MALRD1: variants seen among roughly 807,000 people sequenced by gnomAD.
MALRD1 encodes the protein MAM and LDL receptor class A domain containing 1, also known as MAM and LDL-receptor class A domain-containing protein 1.
MALRD1 carries 247 observed loss-of-function variants against 242.1 expected under a neutral mutation model. The ratio of observed to expected loss-of-function variants is 1.02; its 90% confidence interval spans 0.92 to 1.13. The LOEUF is 1.13. MALRD1 is among the 50% of genes most tolerant of loss of function. The pLI is 0.00. For missense variants in MALRD1, 2,989 were observed against 2,533.1 expected, an observed-to-expected ratio of 1.18 and a Z score of -3.86; for synonymous variants, 995 against 866.6, an observed-to-expected ratio of 1.15 and a Z score of -2.60.
chr10:19,481,295 C>T (rs751960064), intron 29 of MALRD1, among the ~76,000 whole-genome samples: 4 of 152,116 alleles, frequency 2.6e-5, no homozygotes, highest in African/African-American at 7.2e-5. Context: ...CAGTTTCAGA[C>T]GTGTTGCTAT....
chr10:19,354,786 T>G (rs1190338035), intron 26 of MALRD1, among the ~76,000 whole-genome samples: 1 of 152,174 alleles, frequency 6.6e-6, no homozygotes, highest in Non-Finnish European at 1.5e-5. Context: ...GATAAATGTT[T>G]GAGGTGATGG....
chr10:19,052,332 T>G (rs1179614612), intron 1 of MALRD1, among the ~76,000 whole-genome samples: 6 of 152,176 alleles, frequency 3.9e-5, no homozygotes, highest in African/African-American at 1.4e-4. Flanking sequence ...CAAAGGAAAT[T>G]TATCTTAACA....
At chr10:19,629,535 T>G (rs1385595805) in intron 36 of MALRD1, among the ~76,000 whole-genome samples, 1 of 152,156 alleles carries the variant, frequency 6.6e-6, no homozygotes, top group Admixed American at 6.5e-5. Flanking sequence ...TAGGAAAATG[T>G]TTCTACACAG....
chr10:19,597,527 AC>A (rs1397870543), intron 34 of MALRD1, among the ~76,000 whole-genome samples: 1 of 152,170 alleles, frequency 6.6e-6, no homozygotes, highest in Non-Finnish European at 1.5e-5. Context: ...GATATAACAG[AC>A]TTTGAGGGCT....
At chr10:19,161,687 C>T (rs192564284) in intron 12 of MALRD1, among the ~76,000 whole-genome samples, 35 of 151,976 alleles carry the variant, frequency 2.3e-4, no homozygotes, top group African/African-American at 8.2e-4. Context: ...ACAATGTTCC[C>T]TATGTTAAGT....
At chr10:19,176,366 C>CCTTTTTTTTT (rs1484132630) in intron 14 of MALRD1, among the ~76,000 whole-genome samples, 7 of 87,294 alleles carry the variant, frequency 8.0e-5, no homozygotes, top group African/African-American at 2.6e-4. Context: ...TTTCTGGGTG[C>CCTTTTTTTTT]TTTTTTTTTT....
chr10:19,642,682 C>G (rs923758302), intron 36 of MALRD1, among the ~76,000 whole-genome samples: 13 of 152,146 alleles, frequency 8.5e-5, no homozygotes, highest in African/African-American at 2.7e-4. Flanking sequence ...TAGAAATCCT[C>G]AAGTTCAGTG....
intron 19 of MALRD1, among the ~76,000 whole-genome samples, chr10:19,260,954 T>C (rs1009691377): frequency 2.0e-5 from 3 of 152,112 alleles, no homozygotes; most frequent in African/African-American, 7.2e-5. Context: ...GTAGTGTGGA[T>C]GAGAATACAA....
chr10:19,314,473 G>T (rs1842553751), intron 21 of MALRD1, among the ~76,000 whole-genome samples: 1 of 151,552 alleles, frequency 6.6e-6, no homozygotes, highest in South Asian at 2.1e-4. Flanking sequence ...AAATGAAAAG[G>T]CATGATGTAT....
chr10:19,553,949 A>C (rs927135592), intron 32 of MALRD1, among the ~76,000 whole-genome samples: 4 of 152,162 alleles, frequency 2.6e-5, no homozygotes, highest in Admixed American at 2.0e-4. Context: ...TTCTTTAGCA[A>C]ATATTTGTTG....
intron 28 of MALRD1, among the ~76,000 whole-genome samples, chr10:19,396,899 G>A (rs755188345): frequency 6.6e-5 from 10 of 152,002 alleles, no homozygotes; most frequent in South Asian, 4.2e-4. Flanking sequence ...ATTCCTTATC[G>A]TATTTAATAT....
chr10:19,267,214 T>A (rs2131836488), intron 19 of MALRD1, among the ~76,000 whole-genome samples: 1 of 151,992 alleles, frequency 6.6e-6, no homozygotes, highest in Non-Finnish European at 1.5e-5. Context: ...CACATTAGAA[T>A]TGTTACTAAA....
At chr10:19,144,696 G>A (rs771301028) in intron 10 of MALRD1, among the ~76,000 whole-genome samples, 5 of 152,132 alleles carry the variant, frequency 3.3e-5, no homozygotes, top group Non-Finnish European at 5.9e-5. Context: ...AGGAGGCTTC[G>A]GAATATGAGC....
At chr10:19,494,534 A>G (rs749038083) in intron 30 of MALRD1, among the ~76,000 whole-genome samples, 1 of 152,182 alleles carries the variant, frequency 6.6e-6, no homozygotes, top group African/African-American at 2.4e-5. Flanking sequence ...GCTAAGAATA[A>G]CAATTATGCA....
intron 21 of MALRD1, among the ~76,000 whole-genome samples, chr10:19,302,846 A>G (rs186508319): frequency 2.2e-4 from 33 of 151,898 alleles, no homozygotes; most frequent in African/African-American, 7.7e-4. Flanking sequence ...TAAAACTATT[A>G]AAGATATGTT....
chr10:19,310,993 G>T (rs901621539), intron 21 of MALRD1, among the ~76,000 whole-genome samples: 6 of 151,386 alleles, frequency 4.0e-5, no homozygotes, highest in Non-Finnish European at 7.4e-5. Context: ...CTCAGATTAG[G>T]CCATGAGAAG....
At chr10:19,583,575 C>G (rs1246199812) in intron 33 of MALRD1, among the ~76,000 whole-genome samples, 3 of 151,788 alleles carry the variant, frequency 2.0e-5, no homozygotes, top group African/African-American at 7.3e-5. Flanking sequence ...GGATGAAGCC[C>G]ACTTGATCAT....
intron 10 of MALRD1, among the ~76,000 whole-genome samples, chr10:19,144,011 A>T (rs1401212975): frequency 1.3e-5 from 2 of 152,238 alleles, no homozygotes; most frequent in Non-Finnish European, 2.9e-5. Context: ...CTAAGAAAAG[A>T]AAAACATAGC....
intron 21 of MALRD1, among the ~76,000 whole-genome samples, chr10:19,304,140 G>A (rs1487843952): frequency 1.3e-5 from 2 of 151,676 alleles, no homozygotes; most frequent in East Asian, 1.9e-4. Flanking sequence ...CATTCAATTC[G>A]TTGAGGAACA....
Sources: gnomAD v4.1 joint callset for allele counts (sites outside exome capture counted in the v4.1 genomes callset) on GRCh38, gnomAD v4.1.1 for gene constraint, MANE v1.5 for transcripts, NCBI Gene and HGNC (gene_info 2026-07-23, HGNC 2026-07-21) for gene names.